RNF217: variants seen among roughly 807,000 people sequenced by gnomAD.
RNF217 encodes the protein ring finger protein 217.
A neutral mutation model predicts 57.8 loss-of-function variants in RNF217; 31 were observed. The observed-to-expected ratio is 0.54, with a 90% CI of 0.40 to 0.72. The LOEUF is 0.72. Among genes scored for constraint, RNF217 ranks in the 30% least tolerant of loss-of-function variants. The pLI is 0.00. For synonymous variants in RNF217, 313 were observed against 294.0 expected, an observed-to-expected ratio of 1.06 and a Z score of -0.66; for missense variants, 696 against 708.3, an observed-to-expected ratio of 0.98 and a Z score of 0.20.
In RNF217 at chr6:125,085,263, G is replaced by A. The variant is rs1053339401; in HGVS notation, c.*2326G>A. The A allele has an allele frequency of 5.3e-5, 8 of 151,822 alleles. No individual in the cohort carries two copies. Among genetic ancestry groups the A allele is most frequent in the African/African-American group, 1.2e-4 (5 of 41,392 alleles). The allele number at this position is 151,822 out of a possible 1,614,324, so 9.4% of individuals were successfully genotyped here. ...TCCAATATTCCTGTTACAAAGTGGTGTCTGTTTTCAGTGATGGCTATTTCA... is the reference window on the plus strand; with the variant it reads ...TCCAATATTCCTGTTACAAAGTGGTATCTGTTTTCAGTGATGGCTATTTCA... On this transcript the variant is annotated 3_prime_UTR_variant, in exon 6 of 6. Transcript: ENST00000521654.
intron 1 of RNF217, chr6:124,971,265 A>G (rs1160673821): frequency 6.5e-6 from 1 of 153,772 alleles, no homozygotes; most frequent in East Asian, 1.9e-4. Context: ...TATATTGTAC[A>G]AAAAGCACAA....
At position 125,018,907 on chromosome 6, in the gene RNF217, G is replaced by C. The variant is rs191646704; in HGVS notation, c.883-26304G>C. On this transcript the variant is annotated intron_variant, in intron 1 of 5. Coordinates refer to ENST00000521654, the MANE Select transcript of RNF217 (RefSeq NM_001286398.3). Reference sequence around the variant, plus strand: ...TCTATGGAGAATCCATATAAAGGGTGGTAAGTCTCCCCGGACTCCATTTGG... The same window carrying C: ...TCTATGGAGAATCCATATAAAGGGTCGTAAGTCTCCCCGGACTCCATTTGG... Among the ~76,000 whole-genome samples, 18 of 152,202 alleles carry C rather than the reference G, an allele frequency of 1.2e-4. No homozygotes were observed. In the East Asian group the frequency reaches 2.5e-3, roughly 21 times the overall value.
At chr6:124,997,086 AATTT>A (rs1303754396) in intron 1 of RNF217, among the ~76,000 whole-genome samples, 1 of 152,120 alleles carries the variant, frequency 6.6e-6, no homozygotes, top group African/African-American at 2.4e-5. Flanking sequence ...GTCAAAAAAG[AATTT>A]ATTTTCTGTT....
intron 1 of RNF217, among the ~76,000 whole-genome samples, chr6:124,981,792 G>A (rs1206466297): frequency 6.6e-6 from 1 of 151,650 alleles, no homozygotes; most frequent in Non-Finnish European, 1.5e-5. Flanking sequence ...GCCGAGGCAG[G>A]CAGACCACTA....
At chr6:125,038,968 T>C (rs986912610) in intron 1 of RNF217, among the ~76,000 whole-genome samples, 2 of 152,082 alleles carry the variant, frequency 1.3e-5, no homozygotes, top group Non-Finnish European at 2.9e-5. Flanking sequence ...TAGCTGTTTC[T>C]CCTAATGCTC....
chr6:124,998,433 A>G (rs1784831687), intron 1 of RNF217, among the ~76,000 whole-genome samples: 2 of 152,196 alleles, frequency 1.3e-5, no homozygotes, highest in East Asian at 1.9e-4. Flanking sequence ...CACTTTGTCC[A>G]TGATCCCAAA....
chr6:125,070,300 G>T (rs1434872827), intron 3 of RNF217, among the ~76,000 whole-genome samples: 1 of 152,134 alleles, frequency 6.6e-6, no homozygotes, highest in African/African-American at 2.4e-5. Flanking sequence ...GTTGTGAATT[G>T]TGCTGCTATA....
chr6:125,075,473 G>A (rs1213904377), intron 3 of RNF217, among the ~76,000 whole-genome samples: 1 of 152,100 alleles, frequency 6.6e-6, no homozygotes, highest in Non-Finnish European at 1.5e-5. Flanking sequence ...AGGGCAGCAG[G>A]AGAGAGAATG....
At chr6:124,965,943 T>C (rs1222467433) in intron 1 of RNF217, among the ~76,000 whole-genome samples, 1 of 152,246 alleles carries the variant, frequency 6.6e-6, no homozygotes, top group Non-Finnish European at 1.5e-5. Flanking sequence ...CAGCGTTGTC[T>C]GGTATATAAC....
chr6:125,042,677 T>G (rs1301592005), intron 1 of RNF217, among the ~76,000 whole-genome samples: 1 of 152,048 alleles, frequency 6.6e-6, no homozygotes, highest in Non-Finnish European at 1.5e-5. Context: ...TGTGGTTGAT[T>G]AACAAATACC....
intron 1 of RNF217, among the ~76,000 whole-genome samples, chr6:124,966,550 G>A (rs571020267): frequency 7.9e-5 from 12 of 152,226 alleles, no homozygotes; most frequent in South Asian, 2.1e-4. Flanking sequence ...AGTTATTAGT[G>A]ACTTTTTTCC....
intron 1 of RNF217, among the ~76,000 whole-genome samples, chr6:124,992,171 G>A (rs1400592110): frequency 2.1e-5 from 3 of 141,218 alleles, no homozygotes; most frequent in Non-Finnish European, 3.2e-5. Context: ...ACTTTGAGTA[G>A]CAAGGCTGTA....
chr6:125,064,292 T>C (rs369216914), intron 3 of RNF217, among the ~76,000 whole-genome samples: 3 of 152,146 alleles, frequency 2.0e-5, no homozygotes, highest in East Asian at 1.9e-4. Flanking sequence ...GGAGCAGGGG[T>C]TATCATTGGC....
At chr6:125,022,753 G>A (rs979343921) in intron 1 of RNF217, among the ~76,000 whole-genome samples, 1 of 152,020 alleles carries the variant, frequency 6.6e-6, no homozygotes, top group Admixed American at 6.6e-5. Flanking sequence ...CACATTACAC[G>A]CTAGACAAAA....
chr6:125,066,539 C>T (rs1284822153), intron 3 of RNF217, among the ~76,000 whole-genome samples: 1 of 152,034 alleles, frequency 6.6e-6, no homozygotes, highest in African/African-American at 2.4e-5. Flanking sequence ...ACTGCCAGCT[C>T]TCTCACTTCT....
intron 1 of RNF217, among the ~76,000 whole-genome samples, chr6:125,044,107 T>G (rs1786995266): frequency 6.6e-6 from 1 of 152,046 alleles, no homozygotes; most frequent in African/African-American, 2.4e-5. Context: ...TTCCCCAAAC[T>G]GCGTGGCTTT....
At chr6:124,987,184 G>A (rs1784394236) in intron 1 of RNF217, among the ~76,000 whole-genome samples, 1 of 152,154 alleles carries the variant, frequency 6.6e-6, no homozygotes, top group African/African-American at 2.4e-5. Flanking sequence ...AAGCTCCTCA[G>A]TTGCACAGTC....
intron 1 of RNF217, among the ~76,000 whole-genome samples, chr6:125,022,321 A>G (rs1250757244): frequency 6.6e-6 from 1 of 152,244 alleles, no homozygotes; most frequent in Non-Finnish European, 1.5e-5. Flanking sequence ...CATTATATAC[A>G]GTACGAATTC....
intron 1 of RNF217, among the ~76,000 whole-genome samples, chr6:125,010,304 CT>C (rs1785370838): frequency 6.6e-6 from 1 of 152,000 alleles, no homozygotes. Context: ...CTATTTTATT[CT>C]CATTTATTAG....
Sources: gnomAD v4.1 joint callset for allele counts (sites outside exome capture counted in the v4.1 genomes callset) on GRCh38, gnomAD v4.1.1 for gene constraint, MANE v1.5 for transcripts, NCBI Gene and HGNC (gene_info 2026-07-23, HGNC 2026-07-21) for gene names.